Variants in PRDM11 observed in about 807,000 individuals in gnomAD.
PRDM11 encodes the protein PR/SET domain 11.
A neutral mutation model predicts 97.8 loss-of-function variants in PRDM11; 20 were observed. The ratio of observed to expected loss-of-function variants is 0.20; its 90% CI spans 0.14 to 0.30. The LOEUF (loss-of-function observed/expected upper bound fraction) is 0.30. PRDM11 is among the 10% of genes least tolerant of loss of function. PRDM11 has a pLI of 1.00. For missense variants in PRDM11, 1,139 were observed against 1,555.2 expected (o/e 0.73, Z 4.50); for synonymous variants, 599 against 637.7 (o/e 0.94, Z 0.91).
chr11:45,209,231 G>C (rs757279797), intron 5 of PRDM11: 1 of 412,316 alleles, frequency 2.4e-6, no homozygotes, highest in African/African-American at 2.0e-5. Flanking sequence ...CGCTGCTCAC[G>C]GCCCGTGCAG....
At chr11:45,112,194 A>G (rs565825328) in intron 1 of PRDM11, among the ~76,000 whole-genome samples, 1 of 152,294 alleles carries the variant, frequency 6.6e-6, no homozygotes, top group South Asian at 2.1e-4. Flanking sequence ...AGAACATACA[A>G]TATTTGGCTC....
intron 4 of PRDM11, among the ~76,000 whole-genome samples, chr11:45,203,769 C>T (rs1038168608): frequency 3.3e-5 from 5 of 151,904 alleles, no homozygotes; most frequent in Admixed American, 6.6e-5. Flanking sequence ...TACAGGTGCC[C>T]GCCACCACAC....
At chr11:45,193,313 G>A (rs1256998208) in intron 4 of PRDM11, among the ~76,000 whole-genome samples, 1 of 152,144 alleles carries the variant, frequency 6.6e-6, no homozygotes, top group Non-Finnish European at 1.5e-5. Context: ...TACATATTAA[G>A]TTTATATCTG....
chr11:45,164,220 G>A (rs1337800483), intron 1 of PRDM11, among the ~76,000 whole-genome samples: 1 of 152,204 alleles, frequency 6.6e-6, no homozygotes, highest in Non-Finnish European at 1.5e-5. Flanking sequence ...GGTCTGGTGA[G>A]TGGGCAGCGT....
chr11:45,189,943 C>T (rs145785495), intron 4 of PRDM11, among the ~76,000 whole-genome samples: 17 of 152,200 alleles, frequency 1.1e-4, no homozygotes, highest in East Asian at 7.7e-4. Context: ...TGAGCATGCA[C>T]GAGCAGGTGC....
In PRDM11 at chr11:45,227,295, G is replaced by A; in HGVS notation, c.2670G>A (p.Val890=). Residue 890 remains valine, a synonymous_variant, in exon 8 of 8, where the codon GTG becomes GTA. Coordinates refer to ENST00000683152, the MANE Select transcript of PRDM11 (RefSeq NM_001384648.1). The surrounding 1 kb of genome is among the most constrained non-coding windows in gnomAD (Gnocchi z 8.0). ...ACTTCCTGCTGGACGTGATTGCTGT[G>A]CTCTCGCGTCTGGCCTACATCTTCC... is the stretch of plus-strand genomic sequence containing the variant. The part of the protein sequence containing the change: ...LIYFLLDVIA[V]LSRLAYIFQG... 4 of 1,533,980 alleles carry A rather than the reference G, an allele frequency of 2.6e-6. No homozygotes were observed. The highest frequency in any genetic ancestry group is 1.2e-5 in the South Asian group (1 of 83,968).
chr11:45,229,026 T>C lies in PRDM11; in HGVS notation c.*867T>C, dbSNP rs772693681. On this transcript the variant is annotated 3_prime_UTR_variant, in exon 8 of 8. Transcript: ENST00000683152. ...TTTTACGAGGTGGAGGATAAAACAA[T>C]ATAATTCCATTCCAATCCAGGGCTT... is the stretch of plus-strand genomic sequence containing the variant. 10 of 152,090 alleles carry C rather than the reference T, an allele frequency of 6.6e-5. No homozygotes were observed. The highest frequency in any genetic ancestry group is 1.2e-4 in the Non-Finnish European group (8 of 68,028). 9.4% of individuals were successfully genotyped at this position (152,090 alleles called of 1,614,324 possible). A position where few individuals can be genotyped will look rare whatever the true frequency, so the allele number is the denominator to read the frequency against.
intron 5 of PRDM11, chr11:45,213,433 G>A (rs1006060710): frequency 8.9e-6 from 4 of 448,260 alleles, no homozygotes; most frequent in Non-Finnish European, 1.8e-5. Flanking sequence ...GACCTCCCAG[G>A]CCCTGATGCT....
At chr11:45,096,795 C>T (rs1217409033) in intron 1 of PRDM11, among the ~76,000 whole-genome samples, 2 of 152,224 alleles carry the variant, frequency 1.3e-5, no homozygotes, top group African/African-American at 2.4e-5. Flanking sequence ...TTTTTCTACT[C>T]TGAAATGTGA....
chr11:45,117,230 A>G (rs1852323751), intron 1 of PRDM11, among the ~76,000 whole-genome samples: 1 of 149,320 alleles, frequency 6.7e-6, no homozygotes, highest in Non-Finnish European at 1.5e-5. Context: ...CCATCTCAAA[A>G]AAAAAAAAAA....
intron 1 of PRDM11, among the ~76,000 whole-genome samples, chr11:45,115,815 A>G (rs916687875): frequency 6.6e-6 from 1 of 151,946 alleles, no homozygotes; most frequent in African/African-American, 2.4e-5. Flanking sequence ...CTGTAATTCC[A>G]GCTACTTGGG....
intron 5 of PRDM11, among the ~76,000 whole-genome samples, chr11:45,211,227 G>A (rs1196265049): frequency 6.6e-6 from 1 of 152,146 alleles, no homozygotes; most frequent in South Asian, 2.1e-4. Context: ...ACCAAACACT[G>A]CCAAGAGACA....
chr11:45,125,125 A>G (rs1306428524), intron 1 of PRDM11, among the ~76,000 whole-genome samples: 15 of 151,944 alleles, frequency 9.9e-5, no homozygotes, highest in Admixed American at 5.9e-4. Context: ...GTTTATTTGC[A>G]TAGAGGTGTT....
rs536338722 is a variant in PRDM11, at chr11:45,169,556, AT to A, written c.-6-12202del. ...CTTACCAAGTAGGTGCTATTAACCC[AT>A]TTATGCCTGAGGTTGCAAGTTTTTG... On this transcript the variant is annotated intron_variant, in intron 1 of 7. Transcript: ENST00000683152. Among the ~76,000 whole-genome samples, 11 of 152,338 alleles carry A rather than the reference AT, an allele frequency of 7.2e-5. No homozygotes were observed. In the East Asian group the frequency reaches 1.9e-3, roughly 27 times the overall value.
rs1438414240 is a variant in PRDM11 at position 45,125,255 on chromosome 11, G to A, written c.96+29354G>A. On this transcript the variant is annotated intron_variant, in intron 1 of 6. Transcript: ENST00000530656. The stretch of plus-strand genomic sequence containing the variant: ...TTTCTTCTTTATTAGTCTTGCTAGC[G>A]GTCTATCAATTTTGTTGATCTTTTC... 6.2e-4 allele frequency among the ~76,000 whole-genome samples: 94 copies of A among 151,642 alleles called. 1 individual carries two copies. The highest frequency in any genetic ancestry group is 2.0e-3 in the African/African-American group (81 of 41,280).
chr11:45,108,675 C>G (rs7129476), intron 1 of PRDM11, among the ~76,000 whole-genome samples: 22,702 of 152,186 alleles, frequency 0.15, 1,916 homozygotes, highest in Admixed American at 0.25. Context: ...CCCAGAGGCA[C>G]CAGGGGCCTC....
chr11:45,224,966 C>T (rs1176438839), intron 7 of PRDM11, 123 bp downstream of exon 7: 11 of 1,546,646 alleles, frequency 7.1e-6, no homozygotes, highest in African/African-American at 6.8e-5. Flanking sequence ...AACGTGGAGG[C>T]GGCTACCTCC....
At chr11:45,178,476 C>T (rs1190082751) in intron 1 of PRDM11, among the ~76,000 whole-genome samples, 1 of 152,210 alleles carries the variant, frequency 6.6e-6, no homozygotes, top group Non-Finnish European at 1.5e-5. Context: ...AGTGCCCACC[C>T]TGCCAGCATC....
chr11:45,155,864 G>A lies in PRDM11; in HGVS notation c.-7+8987G>A, dbSNP rs557840639. ...CCCTGGGCCTTTTATAAACATCAGCGACAGCCGAGCCCAAATGAGTGTGGA... is the reference window on the plus strand; with the variant it reads ...CCCTGGGCCTTTTATAAACATCAGCAACAGCCGAGCCCAAATGAGTGTGGA... On this transcript the variant is annotated intron_variant, in intron 1 of 7. Transcript: ENST00000683152. Among the ~76,000 whole-genome samples, 10 of 152,120 alleles carry A rather than the reference G, an allele frequency of 6.6e-5. No homozygotes were observed. In the South Asian group the frequency reaches 1.5e-3, roughly 22 times the overall value.
Sources: allele counts gnomAD v4.1 joint callset (sites outside exome capture counted in the v4.1 genomes callset), GRCh38; gene constraint gnomAD v4.1.1; non-coding constraint Gnocchi (gnomAD v3.1); transcripts MANE v1.5; gene names NCBI Gene and HGNC (gene_info 2026-07-23, HGNC 2026-07-21).